USP9X: variants seen among roughly 807,000 people sequenced by gnomAD.
The protein encoded by USP9X is ubiquitin carboxyl-terminal hydrolase 9X.
Under a neutral mutation model 190.3 loss-of-function variants are expected in USP9X, and 7 were observed. The observed-to-expected ratio is 0.04, with a 90% CI of 0.02 to 0.07. The LOEUF (loss-of-function observed/expected upper bound fraction) is 0.07. Among genes scored for constraint, USP9X ranks in the 10% least tolerant of loss-of-function variants. USP9X has a pLI of 1.00. For missense variants in USP9X, 1,010 were observed against 1,916.9 expected, an observed-to-expected ratio of 0.53 and a Z score of 8.83; for synonymous variants, 645 against 659.5, an observed-to-expected ratio of 0.98 and a Z score of 0.34.
chrX:41,170,383 A>G, intron 19 of USP9X, 87 bp from the exon 20 acceptor site: 1 of 1,108,404 alleles, frequency 9.0e-7, no homozygotes, highest in Non-Finnish European at 1.2e-6. Context: ...AGTCTTTCGG[A>G]TTTTTTGGTT....
Position 41,218,607 on chromosome X carries a change from C to T in USP9X, c.6435+10C>T, listed in dbSNP as rs1181559369. On this transcript the variant is annotated intron_variant, in intron 37 of 44. Coordinates refer to ENST00000378308, the MANE Select transcript of USP9X (RefSeq NM_001039591.3). ...TGGACCTTCTAGTCAGGTAATTGCA[C>T]AGCTTTCTTTCTAAATGATGAGATG... The T allele has an allele frequency of 9.3e-6, 11 of 1,186,854 alleles. No individual in the cohort carries two copies. Among genetic ancestry groups the T allele is most frequent in the Non-Finnish European group, 1.3e-5 (11 of 875,343 alleles).
In USP9X at chrX:41,234,426, G is replaced by A. The variant is rs1034160371; in HGVS notation, c.*1902G>A. On this transcript the variant is annotated 3_prime_UTR_variant, in exon 45 of 45. Transcript: ENST00000378308. Reference sequence around the variant, plus strand: ...GGCAGGTATTTAAGATAAAGCTTTGGGTATCTTATTTGTAGTACTGTATAG... The same window carrying A: ...GGCAGGTATTTAAGATAAAGCTTTGAGTATCTTATTTGTAGTACTGTATAG... The A allele has an allele frequency of 8.9e-6, 1 of 111,839 alleles. No homozygotes were observed. Among genetic ancestry groups the A allele is most frequent in the Non-Finnish European group, 1.9e-5 (1 of 53,128 alleles). 9.2% of individuals were successfully genotyped at this position (111,839 alleles called of 1,213,427 possible).
intron 25 of USP9X, among the ~76,000 whole-genome samples, chrX:41,189,042 G>GA (rs1216444649): frequency 8.9e-6 from 1 of 112,266 alleles, no homozygotes; most frequent in Non-Finnish European, 1.9e-5. Flanking sequence ...AAACAACTCA[G>GA]AAGGTCTCAA....
At chrX:41,186,195 T>C (rs1220894710) in intron 23 of USP9X, among the ~76,000 whole-genome samples, 1 of 111,269 alleles carries the variant, frequency 9.0e-6, no homozygotes, top group Non-Finnish European at 1.9e-5. Context: ...ATAAAAGATG[T>C]ACAATACTTT....
intron 11 of USP9X, among the ~76,000 whole-genome samples, chrX:41,147,748 C>T (rs1202669732): frequency 3.6e-5 from 4 of 112,073 alleles, no homozygotes; most frequent in African/African-American, 6.5e-5. Flanking sequence ...CCACCGTGCC[C>T]GGTCAGCTTA....
intron 37 of USP9X, 69 bp downstream of exon 37, chrX:41,218,666 G>C: frequency 9.8e-7 from 1 of 1,025,255 alleles, no homozygotes; most frequent in Non-Finnish European, 1.4e-6. Context: ...GGAAGTCGAA[G>C]TCACAAGCAT....
intron 31 of USP9X, among the ~76,000 whole-genome samples, chrX:41,202,102 A>G (rs1452782001): frequency 8.9e-6 from 1 of 112,787 alleles, no homozygotes; most frequent in African/African-American, 3.2e-5. Flanking sequence ...CTATTTCTAA[A>G]TTTTAATTTT....
chrX:41,087,039 C>G (rs2061918799), intron 1 of USP9X, among the ~76,000 whole-genome samples: 1 of 112,584 alleles, frequency 8.9e-6, no homozygotes, highest in African/African-American at 3.2e-5. Context: ...CTAGTAGAAC[C>G]TGCTTAAATT....
At chrX:41,218,318 T>C in intron 36 of USP9X, 54 bp from the exon 37 acceptor site, 1 of 1,131,644 alleles carries the variant, frequency 8.8e-7, no homozygotes, top group East Asian at 3.0e-5. Context: ...ATCCTTTTAC[T>C]ATAGAGAACA....
At chrX:41,145,288 A>G (rs2062454746) in intron 11 of USP9X, among the ~76,000 whole-genome samples, 1 of 112,103 alleles carries the variant, frequency 8.9e-6, no homozygotes, top group Non-Finnish European at 1.9e-5. Flanking sequence ...AAATTGCTAT[A>G]GCCACTTTGG....
intron 5 of USP9X, among the ~76,000 whole-genome samples, chrX:41,135,407 T>A (rs187541533): frequency 7.3e-4 from 81 of 111,171 alleles, no homozygotes; most frequent in African/African-American, 2.6e-3. Flanking sequence ...AAAAAGCCCT[T>A]AAGTGGAAAA....
chrX:41,107,131 G>A (rs1331236668), intron 1 of USP9X, among the ~76,000 whole-genome samples: 3 of 109,655 alleles, frequency 2.7e-5, no homozygotes, highest in East Asian at 2.9e-4. Context: ...TGATCCACCC[G>A]CCCTGGCCTC....
intron 7 of USP9X, 41 bp downstream of exon 7, chrX:41,140,812 A>G (rs776912294): frequency 3.6e-6 from 4 of 1,122,127 alleles, no homozygotes; most frequent in Non-Finnish European, 4.7e-6. Context: ...GCACCGTAGA[A>G]TTGCTGGTTT....
rs960942236 is a variant in USP9X at position 41,136,831 on chromosome X, C to T, written c.463C>T (p.Leu155=). 5.0e-6 allele frequency: 6 copies of T among 1,210,779 alleles called. No homozygotes were observed. Among genetic ancestry groups the T allele is most frequent in the Non-Finnish European group, 6.7e-6 (6 of 894,672 alleles). ...GTGTATTATTAACAATACTCATCGT[C>T]TGGTGGAGCTATGTGTGGCCAAGTT... ...HRCIINNTHR[L]VELCVAKLSQ... Residue 155 remains leucine (L), a synonymous_variant, in exon 6 of 45, where the codon CTG becomes TTG. Coordinates refer to ENST00000378308, the MANE Select transcript of USP9X (RefSeq NM_001039591.3).
rs990817358 is a variant in USP9X, at chrX:41,090,974, C to T, written c.-159+4865C>T. Among the ~76,000 whole-genome samples, 10 of 111,242 alleles carry T rather than the reference C, an allele frequency of 9.0e-5. No homozygotes were observed. The Admixed American group carries it at 9.6e-4, about 11-fold the overall frequency. On this transcript the variant is annotated intron_variant, in intron 1 of 44. Transcript: ENST00000378308. Reference sequence around the variant, plus strand: ...TTAATATCTGTTAAGACATTTGTTTCCTTTTTAATCCGTTCAACAAATACT... The same window carrying T: ...TTAATATCTGTTAAGACATTTGTTTTCTTTTTAATCCGTTCAACAAATACT...
intron 30 of USP9X, among the ~76,000 whole-genome samples, chrX:41,199,411 T>C: frequency 9.0e-6 from 1 of 110,870 alleles, no homozygotes; most frequent in Non-Finnish European, 1.9e-5. Flanking sequence ...CTTTATTTTA[T>C]TTATTTATTT....
rs757372024 is a variant in USP9X at position 41,099,183 on chromosome X, A to G, written c.-159+13074A>G. ...GGTCTCGAGCTCCTGGGCTCCAGCAATCCTCCTGCCTCAGCCTCCCAGAGT... is the reference window on the plus strand; with the variant it reads ...GGTCTCGAGCTCCTGGGCTCCAGCAGTCCTCCTGCCTCAGCCTCCCAGAGT... On this transcript the variant is annotated intron_variant, in intron 1 of 44. Coordinates refer to ENST00000378308, the MANE Select transcript of USP9X (RefSeq NM_001039591.3). Among the ~76,000 whole-genome samples the G allele has an allele frequency of 3.0e-4, 27 of 90,783 alleles. 1 individual carries two copies. Among genetic ancestry groups the G allele is most frequent in the African/African-American group, 6.9e-4 (16 of 23,157 alleles). The allele number at this position is 90,783 out of a possible 115,157, so 78.8% of individuals were successfully genotyped here.
At chrX:41,195,577 G>A (rs1041052173) in intron 26 of USP9X, among the ~76,000 whole-genome samples, 4 of 111,595 alleles carry the variant, frequency 3.6e-5, no homozygotes, top group Non-Finnish European at 7.5e-5. Flanking sequence ...TTTCATGGAA[G>A]ACAATTTTTC....
At chrX:41,175,763 C>CTA (rs1439044895) in intron 21 of USP9X, among the ~76,000 whole-genome samples, 4 of 98,093 alleles carry the variant, frequency 4.1e-5, no homozygotes, top group Admixed American at 1.2e-4. Flanking sequence ...AAGTCTATTA[C>CTA]TATATATATA....
Sources: gnomAD v4.1 joint callset for allele counts (sites outside exome capture counted in the v4.1 genomes callset) on GRCh38, gnomAD v4.1.1 for gene constraint, MANE v1.5 for transcripts, NCBI Gene and HGNC (gene_info 2026-07-23, HGNC 2026-07-21) for gene names.